WWOX: variants seen among roughly 807,000 people sequenced by gnomAD.
The protein encoded by WWOX is WW domain containing oxidoreductase.
Under a neutral mutation model 46.2 loss-of-function variants are expected in WWOX, and 69 were observed. The ratio of observed to expected loss-of-function variants is 1.49; its 90% CI spans 1.23 to 1.82. WWOX has a LOEUF of 1.82. Among genes scored for constraint, WWOX ranks in the 40% most tolerant of loss-of-function variants. The probability of loss-of-function intolerance (pLI) is 0.00; values close to 1 mark genes in which losing one functional copy is unlikely to be tolerated. For synonymous variants in WWOX, 359 were observed against 202.6 expected (o/e 1.77, Z -6.56); for missense variants, 919 against 542.6 (o/e 1.69, Z -6.89).
intron 8 of WWOX, among the ~76,000 whole-genome samples, chr16:79,005,353 C>G (rs867016515): frequency 6.6e-6 from 1 of 152,182 alleles, no homozygotes; most frequent in African/African-American, 2.4e-5. Flanking sequence ...AGCACAGTCA[C>G]AGAAATGAGG....
At chr16:78,184,537 GGAT>G (rs2035635069) in intron 5 of WWOX, among the ~76,000 whole-genome samples, 1 of 151,754 alleles carries the variant, frequency 6.6e-6, no homozygotes, top group East Asian at 1.9e-4. Context: ...GCACCCACAT[GGAT>G]GAATCACCGA....
At chr16:78,262,029 G>A (rs2079255137) in intron 5 of WWOX, among the ~76,000 whole-genome samples, 1 of 143,644 alleles carries the variant, frequency 7.0e-6, no homozygotes, top group South Asian at 2.3e-4. Flanking sequence ...AGCGGAGGTT[G>A]CAGTGAGTTG....
In WWOX at chr16:78,936,302, C is replaced by A. The variant is rs569997611; in HGVS notation, c.1057-275306C>A. ...GGACAGAGCTTAAGATGGCTGCGTC[C>A]CAAGTGGTCCATCCCAAGCGAGTTT... On this transcript the variant is annotated intron_variant, in intron 8 of 8. Coordinates refer to ENST00000566780, the MANE Select transcript of WWOX (RefSeq NM_016373.4). Among the ~76,000 whole-genome samples the A allele has an allele frequency of 3.3e-5, 5 of 152,234 alleles. No homozygotes were observed. In the East Asian group the frequency reaches 9.7e-4, roughly 29 times the overall value.
intron 8 of WWOX, among the ~76,000 whole-genome samples, chr16:78,523,638 C>A (rs74029523): frequency 6.6e-6 from 1 of 152,178 alleles, no homozygotes; most frequent in African/African-American, 2.4e-5. Flanking sequence ...GAAAAAACTT[C>A]GCTTTTCGTA....
chr16:78,444,961 C>T (rs537908603), intron 8 of WWOX, among the ~76,000 whole-genome samples: 1 of 152,284 alleles, frequency 6.6e-6, no homozygotes, highest in South Asian at 2.1e-4. Flanking sequence ...GAAAACCCTA[C>T]AGGTACCATT....
At chr16:78,810,370 C>T (rs897506315) in intron 8 of WWOX, among the ~76,000 whole-genome samples, 2 of 152,204 alleles carry the variant, frequency 1.3e-5, no homozygotes, top group Admixed American at 6.5e-5. Context: ...TATGTGGACA[C>T]ATGCAGCCAC....
At chr16:78,858,117 A>G (rs1015605827) in intron 8 of WWOX, among the ~76,000 whole-genome samples, 16 of 149,274 alleles carry the variant, frequency 1.1e-4, no homozygotes, top group African/African-American at 3.2e-4. Flanking sequence ...AATTAAAAAG[A>G]TACCTCTATA....
chr16:78,681,473 C>T (rs999648072), intron 8 of WWOX, among the ~76,000 whole-genome samples: 11 of 151,440 alleles, frequency 7.3e-5, no homozygotes, highest in Non-Finnish European at 1.5e-4. Flanking sequence ...ACATCCTAGA[C>T]ACTTGAATCA....
chr16:78,782,520 A>G (rs1453378585), intron 8 of WWOX, among the ~76,000 whole-genome samples: 2 of 152,160 alleles, frequency 1.3e-5, no homozygotes, highest in South Asian at 2.1e-4. Context: ...CTACTTGGTA[A>G]TTGAATTCAA....
chr16:78,103,933 C>T (rs2031967163), intron 1 of WWOX, among the ~76,000 whole-genome samples: 1 of 151,994 alleles, frequency 6.6e-6, no homozygotes, highest in African/African-American at 2.4e-5. Flanking sequence ...CCTAGCACTC[C>T]AAAGCCCACC....
intron 8 of WWOX, among the ~76,000 whole-genome samples, chr16:78,632,715 C>G (rs183765135): frequency 6.6e-6 from 1 of 151,668 alleles, no homozygotes; most frequent in African/African-American, 2.4e-5. Flanking sequence ...TGCGCCACCA[C>G]GCCCAGCTGA....
At chr16:78,580,947 G>T (rs891007626) in intron 8 of WWOX, among the ~76,000 whole-genome samples, 1 of 152,180 alleles carries the variant, frequency 6.6e-6, no homozygotes, top group Non-Finnish European at 1.5e-5. Context: ...AAGGATATCT[G>T]TGAACCCTTC....
At chr16:79,077,481 A>G (rs901556416) in intron 8 of WWOX, 1 of 152,132 alleles carries the variant, frequency 6.6e-6, no homozygotes, top group African/African-American at 2.4e-5. Flanking sequence ...AAAATACAGA[A>G]CATAAGGATG....
chr16:78,518,499 A>C (rs573751931), intron 8 of WWOX, among the ~76,000 whole-genome samples: 2 of 152,246 alleles, frequency 1.3e-5, no homozygotes, highest in East Asian at 1.9e-4. Context: ...GGGATTACAG[A>C]CGTGAGTGAC....
In WWOX at chr16:78,309,481, C is replaced by T. The variant is rs77576262; in HGVS notation, c.517-77379C>T. Among the ~76,000 whole-genome samples the T allele has an allele frequency of 3.9e-3, 595 of 152,274 alleles. 6 individuals carry two copies. Among genetic ancestry groups the T allele is most frequent in the Non-Finnish European group, 5.6e-3 (379 of 68,022 alleles). On this transcript the variant is annotated intron_variant, in intron 5 of 8. Coordinates refer to ENST00000566780, the MANE Select transcript of WWOX (RefSeq NM_016373.4). ...CGTATGACTTGGAAGCCCTCATCCCCATCACTTTGAGTTGTCCTTCCTTTA... is the reference window on the plus strand; with the variant it reads ...CGTATGACTTGGAAGCCCTCATCCCTATCACTTTGAGTTGTCCTTCCTTTA...
intron 8 of WWOX, among the ~76,000 whole-genome samples, chr16:78,937,875 G>A (rs1439854868): frequency 6.6e-6 from 1 of 152,090 alleles, no homozygotes; most frequent in Non-Finnish European, 1.5e-5. Flanking sequence ...CAATCTACCT[G>A]CTTCTCTCTC....
chr16:78,798,429 A>C (rs1182792802), intron 8 of WWOX, among the ~76,000 whole-genome samples: 1 of 152,218 alleles, frequency 6.6e-6, no homozygotes, highest in African/African-American at 2.4e-5. Flanking sequence ...ATGCGGGAAC[A>C]AAAGCTATTT....
At chr16:78,840,625 C>G (rs11861180) in intron 8 of WWOX, among the ~76,000 whole-genome samples, 2,296 of 151,914 alleles carry the variant, frequency 0.015, 64 homozygotes, top group African/African-American at 0.051. Context: ...ATGTGATGTC[C>G]TCATAAATCA....
chr16:79,140,441 C>T (rs1470235630), intron 8 of WWOX, among the ~76,000 whole-genome samples: 1 of 152,208 alleles, frequency 6.6e-6, no homozygotes, highest in African/African-American at 2.4e-5. Flanking sequence ...GCTGCTTTCT[C>T]TCCTACCATA....
Sources: gnomAD v4.1 joint callset for allele counts (sites outside exome capture counted in the v4.1 genomes callset) on GRCh38, gnomAD v4.1.1 for gene constraint, MANE v1.5 for transcripts, NCBI Gene and HGNC (gene_info 2026-07-23, HGNC 2026-07-21) for gene names.